Variants in ST7 observed in about 807,000 individuals in gnomAD.
ST7 encodes suppressor of tumorigenicity 7 protein.
ST7 carries 28 observed loss-of-function variants against 78.7 expected under a neutral mutation model. The observed-to-expected ratio is 0.36, with a 90% CI of 0.26 to 0.49. The LOEUF is 0.49. ST7 is among the 20% of genes least tolerant of loss of function. The pLI is 0.99. For missense variants in ST7, 418 were observed against 696.0 expected, an observed-to-expected ratio of 0.60 and a Z score of 4.49; for synonymous variants, 247 against 249.6, an observed-to-expected ratio of 0.99 and a Z score of 0.10.
At chr7:116,973,389 CTGGGA>C (rs1562986557) in intron 1 of ST7, among the ~76,000 whole-genome samples, 5 of 152,150 alleles carry the variant, frequency 3.3e-5, no homozygotes, top group Non-Finnish European at 5.9e-5. Flanking sequence ...TCCCGAGTAG[CTGGGA>C]CTACACATGT....
At chr7:117,067,238 A>G (rs1179181670) in intron 1 of ST7, among the ~76,000 whole-genome samples, 1 of 151,828 alleles carries the variant, frequency 6.6e-6, no homozygotes, top group Non-Finnish European at 1.5e-5. Flanking sequence ...TGTGTTTTCA[A>G]TCCTTGTGAG....
chr7:117,028,069 G>A (rs1028315689), intron 1 of ST7, among the ~76,000 whole-genome samples: 7 of 152,120 alleles, frequency 4.6e-5, no homozygotes, highest in African/African-American at 1.7e-4. Context: ...ATCCTTCAGA[G>A]CAGGAACAAA....
intron 1 of ST7, among the ~76,000 whole-genome samples, chr7:116,997,220 T>C (rs1374209031): frequency 1.3e-5 from 2 of 152,146 alleles, no homozygotes; most frequent in Admixed American, 1.3e-4. Context: ...AGCAGCAAGA[T>C]TTATTGCAAA....
At chr7:117,063,335 A>G (rs2116456447) in intron 1 of ST7, among the ~76,000 whole-genome samples, 1 of 152,316 alleles carries the variant, frequency 6.6e-6, no homozygotes, top group Non-Finnish European at 1.5e-5. Flanking sequence ...TTTCACAATG[A>G]TAAAGCTTTT....
chr7:117,015,022 T>G (rs747746585), intron 1 of ST7: 59 of 1,252,334 alleles, frequency 4.7e-5, no homozygotes, highest in Non-Finnish European at 6.0e-5. Context: ...CAGGTAAAAT[T>G]AAATGTTAAA....
intron 1 of ST7, among the ~76,000 whole-genome samples, chr7:117,027,744 C>T (rs1796282805): frequency 6.6e-6 from 1 of 152,038 alleles, no homozygotes; most frequent in Non-Finnish European, 1.5e-5. Context: ...ATAAAATAAA[C>T]ACACCAGTCT....
intron 10 of ST7, among the ~76,000 whole-genome samples, chr7:117,172,892 T>C (rs1808102994): frequency 6.6e-6 from 1 of 152,238 alleles, no homozygotes; most frequent in African/African-American, 2.4e-5. Context: ...CATGAAGATC[T>C]CCATTTGTTA....
intron 12 of ST7, among the ~76,000 whole-genome samples, chr7:117,191,293 T>C (rs982068643): frequency 3.3e-5 from 5 of 152,238 alleles, no homozygotes; most frequent in African/African-American, 1.2e-4. Flanking sequence ...TAAATGTTGT[T>C]GTGAATAAAA....
In ST7 at chr7:116,988,159, G is replaced by A. The variant is rs1452844643; in HGVS notation, c.151+34468G>A. Among the ~76,000 whole-genome samples the A allele has an allele frequency of 2.6e-5, 4 of 152,124 alleles. No individual in the cohort carries two copies. In the South Asian group the frequency reaches 8.3e-4, roughly 32 times the overall value. On this transcript the variant is annotated intron_variant, in intron 1 of 15. Coordinates refer to ENST00000323984, the MANE Select transcript of ST7 (RefSeq NM_001369598.1). ...ATTATGACTTGTAAAAATCCAAACT[G>A]CTTGAAACATTTATATAATTCTATA...
At chr7:117,147,221 C>T (rs1206192419) in intron 9 of ST7, among the ~76,000 whole-genome samples, 1 of 152,070 alleles carries the variant, frequency 6.6e-6, no homozygotes, top group East Asian at 1.9e-4. Flanking sequence ...TTTACTTAAC[C>T]TTTCCTCTAG....
chr7:117,149,527 C>G (rs771561142), intron 9 of ST7, among the ~76,000 whole-genome samples: 44 of 150,192 alleles, frequency 2.9e-4, no homozygotes, highest in Non-Finnish European at 2.7e-4. Flanking sequence ...TAGAGGTATT[C>G]TCACCCTCCA....
At chr7:116,991,063 G>A (rs550003967) in intron 1 of ST7, among the ~76,000 whole-genome samples, 159 of 152,224 alleles carry the variant, frequency 1.0e-3, no homozygotes, top group African/African-American at 3.1e-3. Context: ...AGGTTTGTTC[G>A]TTCTCGTTGC....
intron 1 of ST7, chr7:116,968,293 CTCCTTCCT>C (rs374262213): frequency 1.5e-3 from 8 of 5,350 alleles, no homozygotes; most frequent in Middle Eastern, 0.25. Context: ...CCCTCCCTCC[CTCCTTCCT>C]TCCTTCCTTC....
intron 3 of ST7, among the ~76,000 whole-genome samples, chr7:117,126,298 A>C (rs1385196092): frequency 6.6e-6 from 1 of 151,798 alleles, no homozygotes; most frequent in Non-Finnish European, 1.5e-5. Flanking sequence ...TCAGAGTTAA[A>C]TTGGGTGTAG....
At chr7:117,080,223 G>A (rs780223190) in intron 1 of ST7, among the ~76,000 whole-genome samples, 5 of 151,812 alleles carry the variant, frequency 3.3e-5, no homozygotes, top group Admixed American at 1.3e-4. Context: ...CTCGTGATCC[G>A]CTTGTCATTC....
chr7:117,225,851 T>C (rs759773396), intron 15 of ST7, among the ~76,000 whole-genome samples: 3 of 152,192 alleles, frequency 2.0e-5, no homozygotes, highest in Non-Finnish European at 2.9e-5. Flanking sequence ...TGGGAAATAG[T>C]GGAAAGAGCA....
intron 15 of ST7, chr7:117,224,007 G>C (rs1291208986): frequency 2.2e-6 from 2 of 929,032 alleles, no homozygotes; most frequent in Non-Finnish European, 2.6e-6. Flanking sequence ...TAGCCTCTTA[G>C]AGTTGAAAGG....
chr7:117,131,529 T>C (rs1804356467), intron 5 of ST7, among the ~76,000 whole-genome samples: 1 of 151,892 alleles, frequency 6.6e-6, no homozygotes, highest in Non-Finnish European at 1.5e-5. Flanking sequence ...ATGTTGTATC[T>C]AAGTGAATGA....
chr7:117,003,585 A>G lies in ST7; in HGVS notation c.151+49894A>G, dbSNP rs542776601. ...CAAGCGTGAGCCACTGCGCCTGGCC[A>G]TGCCTGGCTAATTTTTGTATAACTT... is the stretch of plus-strand genomic sequence containing the variant. On this transcript the variant is annotated intron_variant, in intron 1 of 15. Transcript: ENST00000323984. 3.3e-5 allele frequency among the ~76,000 whole-genome samples: 5 copies of G among 152,114 alleles called. No individual in the cohort carries two copies. The East Asian group carries it at 7.7e-4, about 24-fold the overall frequency.
Sources: gnomAD v4.1 joint callset for allele counts (sites outside exome capture counted in the v4.1 genomes callset) on GRCh38, gnomAD v4.1.1 for gene constraint, MANE v1.5 for transcripts, NCBI Gene and HGNC (gene_info 2026-07-23, HGNC 2026-07-21) for gene names.